Variants in PPP1R9A observed in about 807,000 individuals in gnomAD.
The protein encoded by PPP1R9A is protein phosphatase 1 regulatory subunit 9A, also known as neurabin-1.
A neutral mutation model predicts 141.9 loss-of-function variants in PPP1R9A; 59 were observed. That is an observed-to-expected ratio of 0.42 (90% CI 0.34 to 0.52). The LOEUF is 0.52. Among genes scored for constraint, PPP1R9A ranks in the 20% least tolerant of loss-of-function variants. The pLI is 0.10. For missense variants in PPP1R9A, 1,444 were observed against 1,611.9 expected, an observed-to-expected ratio of 0.90 and a Z score of 1.78; for synonymous variants, 500 against 569.7, an observed-to-expected ratio of 0.88 and a Z score of 1.74.
rs1346480558 is a variant in PPP1R9A at position 95,070,597 on chromosome 7, A to ATATATATATATATATATATATATATG, written c.1396-40648_1396-40647insTATATATATATGTATATATATATATA. Among the ~76,000 whole-genome samples, 82 of 123,706 alleles carry ATATATATATATATATATATATATATG rather than the reference A, an allele frequency of 6.6e-4. 4 individuals are homozygous for ATATATATATATATATATATATATATG. The highest frequency in any genetic ancestry group is 1.4e-3 in the Non-Finnish European group (74 of 53,798). The allele number at this position is 123,706 out of a possible 152,430, so 81.2% of individuals were successfully genotyped here. On this transcript the variant is annotated intron_variant, in intron 2 of 19. Transcript: ENST00000433360. ...CAATTATTTTTTAAATCTCTGGTAT[A>ATATATATATATATATATATATATATG]TATATATATATATACACACACACAC...
At chr7:95,058,477 G>A (rs941033964) in intron 2 of PPP1R9A, among the ~76,000 whole-genome samples, 2 of 152,092 alleles carry the variant, frequency 1.3e-5, no homozygotes, top group Non-Finnish European at 2.9e-5. Flanking sequence ...AAGAGAAGAG[G>A]GCTGTGGAAT....
At chr7:95,115,599 A>C (rs1317702218) in intron 3 of PPP1R9A, among the ~76,000 whole-genome samples, 2 of 152,200 alleles carry the variant, frequency 1.3e-5, no homozygotes, top group Non-Finnish European at 2.9e-5. Context: ...ATGCTAAATG[A>C]AATAAAATAT....
intron 2 of PPP1R9A, among the ~76,000 whole-genome samples, chr7:94,963,342 TC>T (rs1797845670): frequency 6.6e-6 from 1 of 152,120 alleles, no homozygotes; most frequent in Admixed American, 6.6e-5. Context: ...AAGTATAGTT[TC>T]TATTTTTTAT....
chr7:95,215,974 TA>T (rs777752239), intron 7 of PPP1R9A, among the ~76,000 whole-genome samples: 12 of 152,218 alleles, frequency 7.9e-5, no homozygotes, highest in Non-Finnish European at 1.5e-4. Flanking sequence ...CCCTTTAATT[TA>T]ATTAGATCCC....
chr7:95,163,400 A>G (rs1830714066), intron 5 of PPP1R9A, among the ~76,000 whole-genome samples: 1 of 152,244 alleles, frequency 6.6e-6, no homozygotes, highest in Admixed American at 6.5e-5. Flanking sequence ...GTTTTTAAGT[A>G]AATGAAGGGC....
chr7:95,110,128 C>T (rs982005333), intron 2 of PPP1R9A, among the ~76,000 whole-genome samples: 1 of 152,068 alleles, frequency 6.6e-6, no homozygotes, highest in Non-Finnish European at 1.5e-5. Context: ...TTAGGAGCTA[C>T]ATTATATCTG....
intron 3 of PPP1R9A, among the ~76,000 whole-genome samples, chr7:95,119,296 A>T (rs1387857934): frequency 1.3e-5 from 2 of 149,242 alleles, no homozygotes; most frequent in African/African-American, 2.5e-5. Context: ...TAAGTGAATT[A>T]AAAAAAAAAG....
intron 2 of PPP1R9A, among the ~76,000 whole-genome samples, chr7:95,032,193 C>A (rs1807784604): frequency 6.6e-6 from 1 of 152,108 alleles, no homozygotes; most frequent in Non-Finnish European, 1.5e-5. Flanking sequence ...ATCACCATTC[C>A]TGTGTAGCTA....
At chr7:94,986,412 T>G (rs1211168709) in intron 2 of PPP1R9A, among the ~76,000 whole-genome samples, 1 of 152,178 alleles carries the variant, frequency 6.6e-6, no homozygotes, top group East Asian at 1.9e-4. Flanking sequence ...AAATACTGTG[T>G]TCTCACTCAT....
intron 8 of PPP1R9A, among the ~76,000 whole-genome samples, chr7:95,237,967 A>G (rs533636167): frequency 1.6e-4 from 25 of 152,018 alleles, no homozygotes; most frequent in African/African-American, 4.1e-4. Flanking sequence ...AGGTACATCA[A>G]ATTTTCATCT....
At chr7:94,933,960 C>T (rs1373571396) in intron 2 of PPP1R9A, among the ~76,000 whole-genome samples, 2 of 152,112 alleles carry the variant, frequency 1.3e-5, no homozygotes, top group Non-Finnish European at 2.9e-5. Flanking sequence ...CATTGAATAA[C>T]GTGATCAAAG....
intron 8 of PPP1R9A, among the ~76,000 whole-genome samples, chr7:95,230,468 AAC>A (rs1489760327): frequency 6.6e-6 from 1 of 152,126 alleles, no homozygotes; most frequent in Non-Finnish European, 1.5e-5. Flanking sequence ...TAAATAAAAA[AAC>A]AGTCACAACT....
intron 2 of PPP1R9A, among the ~76,000 whole-genome samples, chr7:94,958,950 C>A (rs1027942957): frequency 2.0e-5 from 3 of 151,882 alleles, no homozygotes; most frequent in Non-Finnish European, 4.4e-5. Context: ...TAATGAACAA[C>A]TACTAGAAAG....
intron 2 of PPP1R9A, among the ~76,000 whole-genome samples, chr7:94,986,404 A>C (rs1322670227): frequency 6.6e-6 from 1 of 152,176 alleles, no homozygotes; most frequent in Admixed American, 6.6e-5. Flanking sequence ...AGAAAGATAA[A>C]TACTGTGTTC....
At chr7:95,284,439 T>C in intron 17 of PPP1R9A, 109 bp downstream of exon 17, 1 of 1,090,846 alleles carries the variant, frequency 9.2e-7, no homozygotes, top group Non-Finnish European at 1.3e-6. Flanking sequence ...TGTACATTAC[T>C]CTTTGATTTG....
chr7:95,213,653 C>T (rs1395577953), intron 7 of PPP1R9A, among the ~76,000 whole-genome samples: 2 of 152,028 alleles, frequency 1.3e-5, no homozygotes, highest in Admixed American at 1.3e-4. Context: ...ATTTTTAAAC[C>T]GCATTCTTCT....
chr7:95,238,898 A>T lies in PPP1R9A; in HGVS notation c.2113-8575A>T, dbSNP rs1797076038. ...TCTCGTTTCAACGTGCATTCTTCTC[A>T]TTTTCATCACTTCATAAATAGTCTA... On this transcript the variant is annotated intron_variant, in intron 8 of 19. Coordinates refer to ENST00000433360, the MANE Select transcript of PPP1R9A (RefSeq NM_001166160.2). 6.6e-5 allele frequency among the ~76,000 whole-genome samples: 10 copies of T among 152,134 alleles called. No homozygotes were observed. In the South Asian group the frequency reaches 1.9e-3, roughly 28 times the overall value.
chr7:95,127,871 A>G (rs558768460), intron 4 of PPP1R9A, among the ~76,000 whole-genome samples: 1 of 152,254 alleles, frequency 6.6e-6, no homozygotes, highest in Admixed American at 6.5e-5. Flanking sequence ...ATAGGTGTAT[A>G]GTATTCTATG....
chr7:95,226,231 A>T, intron 8 of PPP1R9A, 115 bp downstream of exon 8: 2 of 1,080,992 alleles, frequency 1.9e-6, no homozygotes, highest in Non-Finnish European at 2.5e-6. Context: ...CTTTTTAATA[A>T]CAGGTTGTCT....
Sources: allele counts gnomAD v4.1 joint callset (sites outside exome capture counted in the v4.1 genomes callset), GRCh38; gene constraint gnomAD v4.1.1; transcripts MANE v1.5; gene names NCBI Gene and HGNC (gene_info 2026-07-23, HGNC 2026-07-21).